Variants in LRRC20 observed in about 807,000 individuals in gnomAD.
LRRC20 encodes the protein leucine rich repeat containing 20.
In LRRC20, 11 loss-of-function variants were observed where a neutral mutation model predicts 14.4. That is an observed-to-expected ratio of 0.77 (90% confidence interval 0.48 to 1.27). The LOEUF (loss-of-function observed/expected upper bound fraction) is 1.27, where lower values mean the gene tolerates loss of function less well. LRRC20 is among the 50% of genes most tolerant of loss of function. LRRC20 has a pLI of 0.00. For missense variants in LRRC20, 219 were observed against 251.2 expected, an observed-to-expected ratio of 0.87 and a Z score of 0.87; for synonymous variants, 121 against 107.3, an observed-to-expected ratio of 1.13 and a Z score of -0.79.
At chr10:70,358,072 T>C (rs1190729507) in intron 2 of LRRC20, among the ~76,000 whole-genome samples, 1 of 152,204 alleles carries the variant, frequency 6.6e-6, no homozygotes, top group Non-Finnish European at 1.5e-5. Flanking sequence ...AGGGTAGAGT[T>C]TGACATCTTC....
intron 3 of LRRC20, among the ~76,000 whole-genome samples, chr10:70,331,009 A>G (rs948502741): frequency 1.3e-5 from 2 of 152,226 alleles, no homozygotes; most frequent in African/African-American, 4.8e-5. Flanking sequence ...GAGGCAGGTC[A>G]GAAAAGCCAC....
At chr10:70,302,201 CTACTT>C (rs1841219258) in intron 4 of LRRC20, among the ~76,000 whole-genome samples, 1 of 152,048 alleles carries the variant, frequency 6.6e-6, no homozygotes, top group Non-Finnish European at 1.5e-5. Context: ...GTAATCCCAG[CTACTT>C]GGGAGGCTGT....
At chr10:70,304,471 T>TATATAG (rs1491583194) in intron 4 of LRRC20, among the ~76,000 whole-genome samples, 6 of 3,586 alleles carry the variant, frequency 1.7e-3, no homozygotes, top group African/African-American at 6.4e-3. Context: ...GCCACTTCTT[T>TATATAG]ATATATATAT....
chr10:70,377,583 T>G (rs1411228923), intron 1 of LRRC20, among the ~76,000 whole-genome samples: 1 of 152,084 alleles, frequency 6.6e-6, no homozygotes, highest in African/African-American at 2.4e-5. Flanking sequence ...GCACCCCTTC[T>G]TTGCCCCCAG....
chr10:70,377,152 G>A (rs1355084979), intron 1 of LRRC20, among the ~76,000 whole-genome samples: 2 of 152,174 alleles, frequency 1.3e-5, no homozygotes, highest in African/African-American at 2.4e-5. Flanking sequence ...ACGGACTGGC[G>A]GTGGGTGGTC....
At chr10:70,349,890 T>C (rs1843228580) in intron 2 of LRRC20, among the ~76,000 whole-genome samples, 1 of 152,136 alleles carries the variant, frequency 6.6e-6, no homozygotes, top group South Asian at 2.1e-4. Flanking sequence ...CCCTCCTCAG[T>C]CACTGGCAGA....
At chr10:70,310,493 C>T (rs1306499035) in intron 4 of LRRC20, among the ~76,000 whole-genome samples, 2 of 152,210 alleles carry the variant, frequency 1.3e-5, no homozygotes, top group African/African-American at 4.8e-5. Flanking sequence ...TCCTTTGCCA[C>T]TCCCCTGCAT....
At chr10:70,301,579 T>A in intron 4 of LRRC20, 71 bp from the exon 5 acceptor site, 4 of 1,542,366 alleles carry the variant, frequency 2.6e-6, no homozygotes, top group Middle Eastern at 3.4e-4. Flanking sequence ...CAATGGGCCA[T>A]GAGGACTCTG....
At chr10:70,306,507 A>G (rs1841432596) in intron 4 of LRRC20, among the ~76,000 whole-genome samples, 1 of 152,122 alleles carries the variant, frequency 6.6e-6, no homozygotes, top group Non-Finnish European at 1.5e-5. Flanking sequence ...TTTCTTCACG[A>G]TTCAACCGAG....
intron 1 of LRRC20, among the ~76,000 whole-genome samples, chr10:70,379,611 G>T (rs1281465234): frequency 6.6e-6 from 1 of 152,240 alleles, no homozygotes. Context: ...ATGAGGAAGA[G>T]CTTTCTGAAG....
chr10:70,335,425 C>T, intron 3 of LRRC20, among the ~76,000 whole-genome samples: 1 of 152,206 alleles, frequency 6.6e-6, no homozygotes, highest in East Asian at 1.9e-4. Flanking sequence ...CCCGACCAAC[C>T]AAAGCCGCTC....
intron 4 of LRRC20, among the ~76,000 whole-genome samples, chr10:70,313,461 G>T (rs1841743154): frequency 6.6e-6 from 1 of 152,062 alleles, no homozygotes; most frequent in African/African-American, 2.4e-5. Context: ...TATCTAGTTT[G>T]CACACTGGAA....
chr10:70,330,787 CA>C (rs1490228392), intron 3 of LRRC20, among the ~76,000 whole-genome samples: 2 of 152,202 alleles, frequency 1.3e-5, no homozygotes, highest in African/African-American at 4.8e-5. Flanking sequence ...CTTCTGCTCC[CA>C]CTGTGGTTTC....
At chr10:70,304,470 T>TTATATAGATAGATAGATATATA (rs1554835659) in intron 4 of LRRC20, among the ~76,000 whole-genome samples, 1 of 113,826 alleles carries the variant, frequency 8.8e-6, no homozygotes, top group African/African-American at 3.0e-5. Flanking sequence ...GGCCACTTCT[T>TTATATAGATAGATAGATATATA]TATATATATA....
At chr10:70,323,060 T>C (rs1222661750) in intron 4 of LRRC20, among the ~76,000 whole-genome samples, 1 of 152,094 alleles carries the variant, frequency 6.6e-6, no homozygotes, top group African/African-American at 2.4e-5. Context: ...GGGGTTATTA[T>C]GAACATCATT....
In LRRC20 at chr10:70,324,026, G is replaced by T. The variant is rs1842211462; in HGVS notation, c.237C>A (p.Leu79=). 6 of 1,613,904 alleles carry T rather than the reference G, an allele frequency of 3.7e-6. No individual in the cohort carries two copies. Among genetic ancestry groups the T allele is most frequent in the Non-Finnish European group, 5.1e-6 (6 of 1,180,000 alleles). ...GGTGTAGGAAGTTCCCCTCCAGGTG[G>T]AGCTCTGCCACGTGCAGGGAAGGAG... ...FMTTFSQLRE[L]HLEGNFLHRL... is the part of the protein sequence containing the mutation. Residue 79 remains leucine (L), a synonymous_variant, in exon 4 of 5, where the codon CTC becomes CTA. Coordinates refer to ENST00000446961, the MANE Select transcript of LRRC20 (RefSeq NM_001278212.2).
rs1298915390 is a variant in LRRC20, at chr10:70,376,546, G to C, written c.-13C>G. On this transcript the variant is annotated 5_prime_UTR_variant, in exon 2 of 5. Coordinates refer to ENST00000446961, the MANE Select transcript of LRRC20 (RefSeq NM_001278212.2). ...TCTTCTTCAGCATGCAGACACAGGTGTCCTGCCGCCAGCCCCCAGGCTGGT... is the reference window on the plus strand; with the variant it reads ...TCTTCTTCAGCATGCAGACACAGGTCTCCTGCCGCCAGCCCCCAGGCTGGT... 1 of 1,612,246 alleles carries C rather than the reference G, an allele frequency of 6.2e-7. No homozygotes were observed. Among genetic ancestry groups the C allele is most frequent in the African/African-American group, 1.3e-5 (1 of 74,942 alleles).
intron 2 of LRRC20, among the ~76,000 whole-genome samples, chr10:70,373,706 C>A (rs1844396224): frequency 6.6e-6 from 1 of 152,244 alleles, no homozygotes; most frequent in Admixed American, 6.5e-5. Flanking sequence ...GCTCTCCCAA[C>A]TTGACTAGAG....
chr10:70,373,727 G>A (rs1161845231), intron 2 of LRRC20, among the ~76,000 whole-genome samples: 2 of 152,228 alleles, frequency 1.3e-5, no homozygotes, highest in Non-Finnish European at 2.9e-5. Context: ...CTTCACAGCA[G>A]TCATGACCCT....
Sources: gnomAD v4.1 joint callset for allele counts (sites outside exome capture counted in the v4.1 genomes callset) on GRCh38, gnomAD v4.1.1 for gene constraint, MANE v1.5 for transcripts, NCBI Gene and HGNC (gene_info 2026-07-23, HGNC 2026-07-21) for gene names.